GRK7: variants seen among roughly 807,000 people sequenced by gnomAD.
GRK7 encodes rhodopsin kinase GRK7.
Under a neutral mutation model 34.1 loss-of-function variants are expected in GRK7, and 24 were observed. The ratio of observed to expected loss-of-function variants is 0.70; its 90% confidence interval spans 0.51 to 0.99. The LOEUF (loss-of-function observed/expected upper bound fraction) is 0.99, where lower values mean the gene tolerates loss of function less well. GRK7 is among the 50% of genes least tolerant of loss of function. The pLI is 0.00. For missense variants in GRK7, 644 were observed against 707.3 expected (o/e 0.91, Z 1.02); for synonymous variants, 256 against 279.4 (o/e 0.92, Z 0.84).
At position 141,790,411 on chromosome 3, in the gene GRK7, A is replaced by T. The variant is rs371938810; in HGVS notation, c.1050+9600A>T. The stretch of plus-strand genomic sequence containing the variant: ...CCAGTCTGGTCTGATATGGACACCA[A>T]CCACAAGCCTAGCTGAACTTCTAAG... On this transcript the variant is annotated intron_variant, in intron 4 of 5. Coordinates refer to ENST00000682958, the MANE Select transcript of GRK7 (RefSeq NM_139209.3). 9.8e-5 allele frequency among the ~76,000 whole-genome samples: 15 copies of T among 152,326 alleles called. No homozygotes were observed. In the East Asian group the frequency reaches 2.3e-3, roughly 23 times the overall value.
chr3:141,794,804 A>G (rs2084741364), intron 4 of GRK7, among the ~76,000 whole-genome samples: 1 of 152,092 alleles, frequency 6.6e-6, no homozygotes, highest in African/African-American at 2.4e-5. Flanking sequence ...GGCCTCAGTG[A>G]TGGTTTGGAT....
chr3:141,804,763 G>A (rs1711007893), intron 4 of GRK7, among the ~76,000 whole-genome samples: 1 of 146,800 alleles, frequency 6.8e-6, no homozygotes, highest in African/African-American at 2.5e-5. Flanking sequence ...ACACTCACAT[G>A]CACACATACA....
chr3:141,789,637 G>A (rs1471683727), intron 4 of GRK7, among the ~76,000 whole-genome samples: 1 of 134,370 alleles, frequency 7.4e-6, no homozygotes, highest in African/African-American at 3.1e-5. Context: ...CAAAAGATGG[G>A]GACTGGATGC....
intron 4 of GRK7, among the ~76,000 whole-genome samples, chr3:141,792,074 A>G (rs950766164): frequency 1.3e-5 from 2 of 150,876 alleles, no homozygotes; most frequent in African/African-American, 4.9e-5. Context: ...TCCTGCCTTC[A>G]TGAAGCTTAC....
At position 141,780,737 on chromosome 3, in the gene GRK7, G is replaced by A; in HGVS notation, c.976G>A (p.Asp326Asn). 1 of 1,614,192 alleles carries A rather than the reference G, an allele frequency of 6.2e-7. No individual in the cohort carries two copies. The highest frequency in any genetic ancestry group is 2.2e-5 in the East Asian group (1 of 44,880). Reference sequence around the variant, plus strand: ...GAAGCCTGAGAATGTGCTTCTGGATGACCTCGGCAACTGCAGGTTATCTGA... The same window carrying A: ...GAAGCCTGAGAATGTGCTTCTGGATAACCTCGGCAACTGCAGGTTATCTGA... The part of the protein sequence containing the change: ...DMKPENVLLD[D>N]LGNCRLSDLG... The change falls in exon 4 of 6, where the codon GAC becomes AAC. Residue 326 changes from aspartate to asparagine, a missense_variant. Asp to Asn is a conservative substitution (Grantham distance 23). Transcript: ENST00000682958.
rs1711160279 is a variant in GRK7, at chr3:141,816,882, T to C, written c.1494T>C (p.Asp498=). The C allele has an allele frequency of 6.2e-7, 1 of 1,614,042 alleles. No individual in the cohort carries two copies. Among genetic ancestry groups the C allele is most frequent in the Non-Finnish European group, 8.5e-7 (1 of 1,180,036 alleles). The change falls in exon 6 of 6, where the codon GAT becomes GAC. Residue 498 remains aspartate, a synonymous_variant. Coordinates refer to ENST00000682958, the MANE Select transcript of GRK7 (RefSeq NM_139209.3). ...DFSEVRGVEF[D]DKDKQFFKNF... ...CTGAGGTTCGGGGGGTGGAATTTGA[T>C]GACAAAGATAAGCAGTTCTTCAAAA...
Position 141,778,386 on chromosome 3 carries a change from G to GC in GRK7, c.103dup (p.Arg35ProfsTer2). The GC allele has an allele frequency of 1.2e-6, 2 of 1,611,990 alleles. No individual in the cohort carries two copies. The highest frequency in any genetic ancestry group is 1.7e-6 in the Non-Finnish European group (2 of 1,179,234). ...ACAGCAAAGAGCTGCAGCGGCGGCG[G>GC]CGTAGCCTGGCCCTGCCCGGGCTGC... On this transcript the variant is annotated frameshift_variant, in exon 3 of 6. Coordinates refer to ENST00000682958, the MANE Select transcript of GRK7 (RefSeq NM_139209.3). LOFTEE classifies it high-confidence loss of function. This position sits in a 1 kb window ranked among gnomAD's most constrained non-coding sequence, Gnocchi z 4.1.
intron 4 of GRK7, among the ~76,000 whole-genome samples, chr3:141,805,628 A>G (rs1377364050): frequency 6.6e-6 from 1 of 152,214 alleles, no homozygotes; most frequent in Non-Finnish European, 1.5e-5. Flanking sequence ...AGTCACTTCC[A>G]GAACTTTCTT....
intron 4 of GRK7, among the ~76,000 whole-genome samples, chr3:141,802,042 G>A (rs114557600): frequency 6.6e-6 from 1 of 152,106 alleles, no homozygotes; most frequent in Non-Finnish European, 1.5e-5. Flanking sequence ...AAAAAGAGAA[G>A]AGACAAAATG....
At chr3:141,750,893 G>A in the GRK7 span, among the ~76,000 whole-genome samples, 1 of 151,854 alleles carries the variant, frequency 6.6e-6, no homozygotes, top group African/African-American at 2.4e-5. Flanking sequence ...ACTGCTCAAG[G>A]GAGTGCAGTG....
intron 3 of GRK7, among the ~76,000 whole-genome samples, chr3:141,779,934 G>A (rs2107878050): frequency 6.6e-6 from 1 of 152,324 alleles, no homozygotes; most frequent in African/African-American, 2.4e-5. Flanking sequence ...GGACACTTGG[G>A]CTGTTTTCAC....
At position 141,818,659 on chromosome 3, in the gene GRK7, T is replaced by C. The variant is rs915001695; in HGVS notation, c.*1609T>C. Among the ~76,000 whole-genome samples, 4 of 152,162 alleles carry C rather than the reference T, an allele frequency of 2.6e-5. No individual in the cohort carries two copies. Among genetic ancestry groups the C allele is most frequent in the African/African-American group, 9.7e-5 (4 of 41,440 alleles). ...CGAAAAAATATTTGGGATACAAATATAAAGCTGAGTGATATTTTTTAAAAG... is the reference window on the plus strand; with the variant it reads ...CGAAAAAATATTTGGGATACAAATACAAAGCTGAGTGATATTTTTTAAAAG... On this transcript the variant is annotated 3_prime_UTR_variant, in exon 6 of 6. Coordinates refer to ENST00000682958, the MANE Select transcript of GRK7 (RefSeq NM_139209.3).
intron 4 of GRK7, 66 bp from the exon 5 acceptor site, chr3:141,807,579 T>C: frequency 1.4e-6 from 2 of 1,384,794 alleles, no homozygotes; most frequent in Non-Finnish European, 2.0e-6. Flanking sequence ...CAGTCAGCAG[T>C]GTCTGCTACA....
At position 141,789,663 on chromosome 3, in the gene GRK7, A is replaced by AAAAAAAAAAAAAAAAAAAAC. The variant is rs796539386; in HGVS notation, c.1050+8859_1050+8860insAAAAAAAAAAAACAAAAAAA. Among the ~76,000 whole-genome samples the AAAAAAAAAAAAAAAAAAAAC allele has an allele frequency of 3.5e-3, 518 of 146,602 alleles. 12 individuals are homozygous for AAAAAAAAAAAAAAAAAAAAC. Among genetic ancestry groups the AAAAAAAAAAAAAAAAAAAAC allele is most frequent in the African/African-American group, 0.011 (435 of 38,756 alleles). ...GACTGGATGCCAAATGGGCAAAAAA[A>AAAAAAAAAAAAAAAAAAAAC]AAAAAAACACAAAACAGTGGAGGCC... On this transcript the variant is annotated intron_variant, in intron 4 of 5. Transcript: ENST00000682958.
At chr3:141,787,843 T>TAA (rs11396159) in intron 4 of GRK7, among the ~76,000 whole-genome samples, 23,945 of 135,192 alleles carry the variant, frequency 0.18, 2,093 homozygotes, top group African/African-American at 0.22. Context: ...CTTTGTCTCT[T>TAA]AAAAAAAAAA....
At chr3:141,772,244 G>A (rs572820445) in intron 1 of GRK7, among the ~76,000 whole-genome samples, 8 of 151,822 alleles carry the variant, frequency 5.3e-5, no homozygotes, top group South Asian at 2.1e-4. Flanking sequence ...ACAGGCATGC[G>A]CCACCATGCG....
the GRK7 span, among the ~76,000 whole-genome samples, chr3:141,753,281 T>G: frequency 6.6e-6 from 1 of 152,210 alleles, no homozygotes; most frequent in Non-Finnish European, 1.5e-5. Context: ...TTTATAGAGA[T>G]ATTTTAGAGC....
chr3:141,795,457 G>A (rs888616275), intron 4 of GRK7, among the ~76,000 whole-genome samples: 6 of 152,204 alleles, frequency 3.9e-5, no homozygotes, highest in Non-Finnish European at 8.8e-5. Context: ...AGGCTCAGTC[G>A]CAGAACAGAG....
In GRK7 at chr3:141,818,728, A is replaced by C. The variant is rs1711180140; in HGVS notation, c.*1678A>C. On this transcript the variant is annotated 3_prime_UTR_variant, in exon 6 of 6. Coordinates refer to ENST00000682958, the MANE Select transcript of GRK7 (RefSeq NM_139209.3). Reference sequence around the variant, plus strand: ...AAAATCTAAATTTATCCCAGTGGTAAAAAAAACCTGGCTGAAGTCAGTTTA... The same window carrying C: ...AAAATCTAAATTTATCCCAGTGGTACAAAAAACCTGGCTGAAGTCAGTTTA... 6.6e-6 allele frequency among the ~76,000 whole-genome samples: 1 copy of C among 152,144 alleles called. No homozygotes were observed. Among genetic ancestry groups the C allele is most frequent in the Non-Finnish European group, 1.5e-5 (1 of 68,002 alleles).
Sources: allele counts gnomAD v4.1 joint callset (sites outside exome capture counted in the v4.1 genomes callset), GRCh38; gene constraint gnomAD v4.1.1; non-coding constraint Gnocchi (gnomAD v3.1); transcripts MANE v1.5; gene names NCBI Gene and HGNC (gene_info 2026-07-23, HGNC 2026-07-21).